Variants in OPCML observed in about 807,000 individuals in gnomAD.
OPCML encodes the protein opioid binding protein/cell adhesion molecule like.
A neutral mutation model predicts 37.8 loss-of-function variants in OPCML; 13 were observed. The ratio of observed to expected loss-of-function variants is 0.34; its 90% CI spans 0.22 to 0.55. The LOEUF (loss-of-function observed/expected upper bound fraction) is 0.55. Ranked by LOEUF, OPCML falls within the 20% of genes least tolerant of loss-of-function variation. The pLI is 0.91. For missense variants in OPCML, 341 were observed against 435.6 expected, an observed-to-expected ratio of 0.78 and a Z score of 1.93; for synonymous variants, 176 against 168.8, an observed-to-expected ratio of 1.04 and a Z score of -0.33.
chr11:132,833,062 C>T (rs1358313757), intron 2 of OPCML, among the ~76,000 whole-genome samples: 4 of 152,136 alleles, frequency 2.6e-5, no homozygotes, highest in Non-Finnish European at 4.4e-5. Context: ...ATAAACACTA[C>T]TCAGGCTTCA....
At position 132,862,167 on chromosome 11, in the gene OPCML, T is replaced by C. The variant is rs150282474; in HGVS notation, c.146+80759A>G. On this transcript the variant is annotated intron_variant, in intron 2 of 7. Transcript: ENST00000524381. ...ACATTTTAATTTCAGAAGAAAAAAA[T>C]ACCATGTATTTTAGACATATTTTCC... 8.5e-5 allele frequency among the ~76,000 whole-genome samples: 13 copies of C among 152,244 alleles called. No individual in the cohort carries two copies. In the East Asian group the frequency reaches 2.3e-3, roughly 27 times the overall value.
intron 1 of OPCML, among the ~76,000 whole-genome samples, chr11:133,281,156 G>T (rs546134743): frequency 6.6e-6 from 1 of 152,324 alleles, no homozygotes; most frequent in African/African-American, 2.4e-5. Context: ...CCTGCTTAAA[G>T]AGACAAACCA....
chr11:132,749,036 T>C (rs1040859263), intron 2 of OPCML, among the ~76,000 whole-genome samples: 10 of 152,178 alleles, frequency 6.6e-5, no homozygotes, highest in Non-Finnish European at 1.5e-4. Flanking sequence ...GTGATGTTTC[T>C]AGGAGGGGGT....
intron 7 of OPCML, among the ~76,000 whole-genome samples, chr11:132,422,117 A>C (rs1220986991): frequency 6.6e-6 from 1 of 152,136 alleles, no homozygotes; most frequent in Non-Finnish European, 1.5e-5. Flanking sequence ...GTATGTGTAT[A>C]TGTATATACG....
At chr11:133,010,835 T>G (rs1025627454) in intron 1 of OPCML, among the ~76,000 whole-genome samples, 1 of 152,104 alleles carries the variant, frequency 6.6e-6, no homozygotes, top group African/African-American at 2.4e-5. Flanking sequence ...TGCCACCAAA[T>G]CCTGAAATAA....
chr11:133,330,476 CACAT>C (rs1216872286), intron 1 of OPCML, among the ~76,000 whole-genome samples: 1 of 152,076 alleles, frequency 6.6e-6, no homozygotes, highest in Non-Finnish European at 1.5e-5. Flanking sequence ...GAAAATGTGG[CACAT>C]ATACACCATG....
chr11:133,233,753 C>T (rs1431480250), intron 1 of OPCML, among the ~76,000 whole-genome samples: 1 of 152,162 alleles, frequency 6.6e-6, no homozygotes, highest in African/African-American at 2.4e-5. Context: ...AATGTCTAAC[C>T]TCCAATAAAA....
chr11:132,964,433 AT>A (rs1279291493), intron 1 of OPCML, among the ~76,000 whole-genome samples: 3 of 152,314 alleles, frequency 2.0e-5, no homozygotes, highest in East Asian at 3.9e-4. Context: ...CTGAGTAACT[AT>A]AAGAACTGAA....
chr11:133,460,201 T>G (rs576966682), intron 1 of OPCML, among the ~76,000 whole-genome samples: 2 of 151,920 alleles, frequency 1.3e-5, no homozygotes, highest in South Asian at 2.1e-4. Flanking sequence ...ATACCAAAAC[T>G]TATGAGATGT....
intron 1 of OPCML, among the ~76,000 whole-genome samples, chr11:133,326,502 A>AAG (rs1246000635): frequency 1.7e-5 from 1 of 57,262 alleles, no homozygotes; most frequent in African/African-American, 7.9e-5. Flanking sequence ...GGGTGTGTGT[A>AAG]TGTGTGGGAG....
At chr11:133,115,197 A>G (rs971577373) in intron 1 of OPCML, among the ~76,000 whole-genome samples, 9 of 152,182 alleles carry the variant, frequency 5.9e-5, no homozygotes, top group Non-Finnish European at 2.9e-5. Context: ...CTGCATCCTG[A>G]TGCTATCCAC....
intron 1 of OPCML, chr11:133,066,409 C>T (rs1017134710): frequency 6.6e-6 from 1 of 152,194 alleles, no homozygotes. Flanking sequence ...TTGCCAAAGT[C>T]TAGGGAGAGT....
chr11:132,593,399 C>T (rs1424837793), intron 3 of OPCML, among the ~76,000 whole-genome samples: 1 of 152,188 alleles, frequency 6.6e-6, no homozygotes, highest in Admixed American at 6.5e-5. Context: ...AATCCTCAGT[C>T]GGTTTCCTGT....
chr11:133,428,937 GT>G (rs1946062451), intron 1 of OPCML, among the ~76,000 whole-genome samples: 1 of 152,172 alleles, frequency 6.6e-6, no homozygotes, highest in African/African-American at 2.4e-5. Context: ...CATGAAATAT[GT>G]TTAACAAAAT....
intron 1 of OPCML, among the ~76,000 whole-genome samples, chr11:133,070,278 G>C (rs181486676): frequency 2.0e-5 from 3 of 152,260 alleles, no homozygotes; most frequent in African/African-American, 4.8e-5. Context: ...GCAAGCAAAG[G>C]CTGTCGTGTC....
intron 1 of OPCML, among the ~76,000 whole-genome samples, chr11:133,085,053 G>A (rs1336580132): frequency 5.3e-5 from 8 of 152,076 alleles, no homozygotes; most frequent in East Asian, 1.9e-4. Flanking sequence ...TTCACTTTCC[G>A]TTTATGTAAA....
intron 1 of OPCML, among the ~76,000 whole-genome samples, chr11:133,393,042 C>CTT (rs55728368): frequency 0.012 from 1,706 of 146,318 alleles, 33 homozygotes; most frequent in African/African-American, 0.032. Context: ...TGTTTAGTGA[C>CTT]TTTTTTTTTT....
chr11:133,509,420 A>G (rs1166057521), intron 1 of OPCML, among the ~76,000 whole-genome samples: 1 of 152,188 alleles, frequency 6.6e-6, no homozygotes, highest in African/African-American at 2.4e-5. Context: ...TCGTGGCTAC[A>G]TAGTATTCCA....
At position 133,205,308 on chromosome 11, in the gene OPCML, C is replaced by T. The variant is rs547264506; in HGVS notation, c.62-262298G>A. ...GGCCTGGAAGCTCTACACCCCTCCC[C>T]GCTGCCTTGCCCCACACACCTCTTC... On this transcript the variant is annotated intron_variant, in intron 1 of 7. Transcript: ENST00000524381. The surrounding 1 kb of genome is among the most constrained non-coding windows in gnomAD (Gnocchi z 4.8). 4.6e-5 allele frequency among the ~76,000 whole-genome samples: 7 copies of T among 152,264 alleles called. No homozygotes were observed. The highest frequency in any genetic ancestry group is 2.1e-4 in the South Asian group (1 of 4,820).
Sources: allele counts gnomAD v4.1 joint callset (sites outside exome capture counted in the v4.1 genomes callset), GRCh38; gene constraint gnomAD v4.1.1; non-coding constraint Gnocchi (gnomAD v3.1); transcripts MANE v1.5; gene names NCBI Gene and HGNC (gene_info 2026-07-23, HGNC 2026-07-21).